Variants in DNAI3 observed in about 807,000 individuals in gnomAD.
DNAI3 encodes WD repeat domain 63.
DNAI3 carries 83 observed loss-of-function variants against 115.5 expected under a neutral mutation model. The ratio of observed to expected loss-of-function variants is 0.72; its 90% CI spans 0.60 to 0.86. DNAI3 has a LOEUF of 0.86. Ranked by LOEUF, DNAI3 falls within the 40% of genes least tolerant of loss-of-function variation. The probability of loss-of-function intolerance (pLI) is 0.00; values close to 1 mark genes in which losing one functional copy is unlikely to be tolerated. For missense variants in DNAI3, 1,004 were observed against 1,075.8 expected, an observed-to-expected ratio of 0.93 and a Z score of 0.93; for synonymous variants, 320 against 347.0, an observed-to-expected ratio of 0.92 and a Z score of 0.86.
intron 1 of DNAI3, among the ~76,000 whole-genome samples, chr1:85,065,662 A>T (rs1193465703): frequency 6.6e-6 from 1 of 152,184 alleles, no homozygotes; most frequent in Non-Finnish European, 1.5e-5. Context: ...CATTTGTGAC[A>T]TATACTCCCT....
chr1:85,108,521 A>G (rs1655559138), intron 15 of DNAI3, among the ~76,000 whole-genome samples: 1 of 152,202 alleles, frequency 6.6e-6, no homozygotes, highest in Non-Finnish European at 1.5e-5. Flanking sequence ...TGCAATATAC[A>G]GAAAAAGGGA....
chr1:85,087,913 G>A (rs1255969929), intron 7 of DNAI3, among the ~76,000 whole-genome samples: 1 of 152,088 alleles, frequency 6.6e-6, no homozygotes, highest in Non-Finnish European at 1.5e-5. Context: ...CAATGTTAAA[G>A]TCAGGGCATA....
intron 15 of DNAI3, among the ~76,000 whole-genome samples, chr1:85,108,721 G>A (rs1228354732): frequency 1.3e-5 from 2 of 152,104 alleles, no homozygotes; most frequent in African/African-American, 4.8e-5. Flanking sequence ...CATCACCCAG[G>A]TAGTGAACAT....
intron 3 of DNAI3, among the ~76,000 whole-genome samples, chr1:85,075,522 G>A (rs1296609470): frequency 6.6e-6 from 1 of 152,060 alleles, no homozygotes; most frequent in Non-Finnish European, 1.5e-5. Flanking sequence ...ACTCCCCTCA[G>A]GTAGCATCAG....
chr1:85,112,141 T>C (rs984157283), intron 16 of DNAI3, among the ~76,000 whole-genome samples: 2 of 152,190 alleles, frequency 1.3e-5, no homozygotes, highest in South Asian at 4.1e-4. Context: ...AGCGTCTAAC[T>C]CCTGGGCTCA....
intron 21 of DNAI3, 47 bp from the exon 22 acceptor site, chr1:85,129,942 TG>T (rs754268923): frequency 4.4e-6 from 7 of 1,584,670 alleles, no homozygotes; most frequent in Non-Finnish European, 6.0e-6. Flanking sequence ...GTAAAGGTCA[TG>T]GGGGCTTCCT....
chr1:85,114,057 A>T (rs1276261762), intron 16 of DNAI3, among the ~76,000 whole-genome samples: 1 of 135,498 alleles, frequency 7.4e-6, no homozygotes, highest in Admixed American at 8.3e-5. Flanking sequence ...TCTGTCGCCC[A>T]GGCTAGAGTG....
intron 12 of DNAI3, among the ~76,000 whole-genome samples, chr1:85,097,879 A>G (rs1447090420): frequency 6.6e-6 from 1 of 152,152 alleles, no homozygotes; most frequent in Non-Finnish European, 1.5e-5. Flanking sequence ...CATCTACCCA[A>G]GGATATGAAG....
chr1:85,064,593 T>C (rs925951569), intron 1 of DNAI3, among the ~76,000 whole-genome samples: 1 of 152,112 alleles, frequency 6.6e-6, no homozygotes, highest in African/African-American at 2.4e-5. Flanking sequence ...TTTGTTTGTT[T>C]GTTTGTTTGT....
Position 85,108,011 on chromosome 1 carries a change from AATAT to A in DNAI3, c.1554-16_1554-13del. 1 of 1,427,340 alleles carries A rather than the reference AATAT, an allele frequency of 7.0e-7. No homozygotes were observed. Among genetic ancestry groups the A allele is most frequent in the Non-Finnish European group, 9.1e-7 (1 of 1,094,026 alleles). 88.4% of individuals were successfully genotyped at this position (1,427,340 alleles called of 1,614,324 possible). On this transcript the variant is annotated intron_variant, in intron 14 of 22. Coordinates refer to ENST00000294664, the MANE Select transcript of DNAI3 (RefSeq NM_145172.5). ...CACCTCTTGTTTGTACTTAATAAAA[AATAT>A]ATATAAATTTTTTTTAGCACAATAT...
At chr1:85,073,771 T>C (rs1654363238) in intron 3 of DNAI3, among the ~76,000 whole-genome samples, 1 of 152,202 alleles carries the variant, frequency 6.6e-6, no homozygotes, top group Non-Finnish European at 1.5e-5. Context: ...GACATGTTTT[T>C]AAAGGGTCAG....
intron 21 of DNAI3, among the ~76,000 whole-genome samples, chr1:85,129,379 T>C (rs1656246913): frequency 6.6e-6 from 1 of 151,794 alleles, no homozygotes; most frequent in African/African-American, 2.4e-5. Flanking sequence ...AACATCAGCC[T>C]AGTTACTGGC....
At chr1:85,102,318 A>G (rs1435499409) in intron 13 of DNAI3, among the ~76,000 whole-genome samples, 1 of 152,042 alleles carries the variant, frequency 6.6e-6, no homozygotes, top group African/African-American at 2.4e-5. Flanking sequence ...TATCACATAT[A>G]CCCCCCAAAT....
chr1:85,105,812 C>T (rs1655472839), intron 14 of DNAI3, among the ~76,000 whole-genome samples: 1 of 152,118 alleles, frequency 6.6e-6, no homozygotes, highest in African/African-American at 2.4e-5. Context: ...GCTCAAGATT[C>T]AAATTAACTG....
intron 7 of DNAI3, among the ~76,000 whole-genome samples, chr1:85,088,980 A>G (rs1047410328): frequency 6.6e-6 from 1 of 151,962 alleles, no homozygotes; most frequent in Non-Finnish European, 1.5e-5. Context: ...CTAAACAAGG[A>G]AAAAAAATGA....
In DNAI3 at chr1:85,116,173, T is replaced by A. The variant is rs920795282; in HGVS notation, c.1787-1556T>A. Among the ~76,000 whole-genome samples the A allele has an allele frequency of 5.3e-5, 8 of 152,294 alleles. No individual in the cohort carries two copies. In the South Asian group the frequency reaches 1.7e-3, roughly 32 times the overall value. The stretch of plus-strand genomic sequence containing the variant: ...CACAGTCTACCTGCATGGCTCTAAC[T>A]TTTATCTCTGCTGAGAATTCTCCAT... On this transcript the variant is annotated intron_variant, in intron 16 of 22. Transcript: ENST00000294664.
intron 15 of DNAI3, among the ~76,000 whole-genome samples, chr1:85,109,246 T>C (rs930102619): frequency 2.0e-5 from 3 of 152,254 alleles, no homozygotes; most frequent in African/African-American, 7.2e-5. Flanking sequence ...GCTCTCTTTC[T>C]TTAGAATGTC....
chr1:85,130,095 A>T lies in DNAI3; in HGVS notation c.2515A>T (p.Met839Leu), dbSNP rs927994065. 1.2e-6 allele frequency: 2 copies of T among 1,613,736 alleles called. No individual in the cohort carries two copies. The highest frequency in any genetic ancestry group is 3.3e-5 in the Admixed American group (2 of 59,974). ...AGAAAAGAAAGAAATGGAACTAGAA[A>T]TGGCAAAGAAAAAAGTTGTAAGTTA... is the stretch of plus-strand genomic sequence containing the variant. ...EQEKKEMELE[M>L]AKKKVKTYQK... Residue 839 changes from methionine (M) to leucine (L), a missense_variant, in exon 22 of 23, where the codon ATG (methionine) becomes TTG (leucine). By Grantham distance (15) the Met-to-Leu change is conservative. Around this residue, in one of 3 missense-constraint regions of DNAI3, gnomAD observed 429 missense variants for 454.3 expected, o/e 0.94. Transcript: ENST00000294664.
Position 85,081,470 on chromosome 1 carries a change from A to T in DNAI3, c.285+55A>T. On this transcript the variant is annotated intron_variant, in intron 4 of 22. Coordinates refer to ENST00000294664, the MANE Select transcript of DNAI3 (RefSeq NM_145172.5). ...TCCTACCTCAAGAAGTTCCTGGTAC[A>T]TAATAACAAAAGTTGGAGAGGTTGT... 6 of 1,455,870 alleles carry T rather than the reference A, an allele frequency of 4.1e-6. No individual in the cohort carries two copies. In the South Asian group the frequency reaches 9.7e-5, roughly 24 times the overall value. 90.2% of individuals were successfully genotyped at this position (1,455,870 alleles called of 1,614,324 possible).
Sources: allele counts gnomAD v4.1 joint callset (sites outside exome capture counted in the v4.1 genomes callset), GRCh38; gene constraint gnomAD v4.1.1; regional missense constraint gnomAD v4.1.1; transcripts MANE v1.5; gene names NCBI Gene and HGNC (gene_info 2026-07-23, HGNC 2026-07-21).